C5orf22: variants seen among roughly 807,000 people sequenced by gnomAD.
C5orf22 encodes the protein chromosome 5 open reading frame 22.
C5orf22 carries 36 observed loss-of-function variants against 48.7 expected under a neutral mutation model. That is an observed-to-expected ratio of 0.74 (90% CI 0.57 to 0.98). The LOEUF (loss-of-function observed/expected upper bound fraction) is 0.98, where lower values mean the gene tolerates loss of function less well. C5orf22 is among the 50% of genes least tolerant of loss of function. The pLI is 0.00. For missense variants in C5orf22, 486 were observed against 521.9 expected, an observed-to-expected ratio of 0.93 and a Z score of 0.67; for synonymous variants, 141 against 180.8, an observed-to-expected ratio of 0.78 and a Z score of 1.76.
chr5:31,535,984 A>G (rs144328694), intron 3 of C5orf22, 91 bp downstream of exon 3: 5 of 1,285,478 alleles, frequency 3.9e-6, no homozygotes, highest in Non-Finnish European at 5.4e-6. Flanking sequence ...CTCTGCACAC[A>G]AATAGGGTCA....
At chr5:31,534,217 G>A in intron 1 of C5orf22, 55 bp from the exon 2 acceptor site, 1 of 1,439,484 alleles carries the variant, frequency 6.9e-7, no homozygotes, top group Non-Finnish European at 9.6e-7. Flanking sequence ...CTGCAGTTGA[G>A]TGTGTGCTCA....
At chr5:31,541,431 A>G in intron 6 of C5orf22, 29 bp downstream of exon 6, 1 of 1,608,490 alleles carries the variant, frequency 6.2e-7, no homozygotes, top group Non-Finnish European at 8.5e-7. Context: ...TTTTTCCCCC[A>G]ACTCTACTAA....
intron 3 of C5orf22, among the ~76,000 whole-genome samples, 195 bp downstream of exon 3, chr5:31,536,088 G>A (rs912747971): frequency 1.3e-5 from 2 of 152,172 alleles, no homozygotes; most frequent in Non-Finnish European, 2.9e-5. Context: ...ATATTTAGTT[G>A]CTGGTCAAAT....
At chr5:31,534,042 G>A (rs954918359) in intron 1 of C5orf22, among the ~76,000 whole-genome samples, 7 of 152,234 alleles carry the variant, frequency 4.6e-5, no homozygotes, top group African/African-American at 1.7e-4. Context: ...AGTTCAAGGG[G>A]GCAGCAGGAA....
chr5:31,540,240 A>G (rs973800778), intron 4 of C5orf22, among the ~76,000 whole-genome samples: 2 of 152,180 alleles, frequency 1.3e-5, no homozygotes, highest in Non-Finnish European at 2.9e-5. Flanking sequence ...ATATGCCACA[A>G]CATTGTGCTT....
At position 31,552,827 on chromosome 5, in the gene C5orf22, G is replaced by C; in HGVS notation, c.1254G>C (p.Lys418Asn). The change falls in exon 9 of 9, where the codon AAG (lysine) becomes AAC (asparagine). Residue 418 changes from lysine (K) to asparagine (N), a missense_variant. Physicochemically the swap from Lys to Asn is moderately conservative, Grantham distance 94 (BLOSUM62 0). This residue lies in a region of C5orf22 where 408 missense variants were observed against 444.0 expected (regional missense o/e 0.92). Coordinates refer to ENST00000325366, the MANE Select transcript of C5orf22 (RefSeq NM_018356.3). ...PSDQVDTIQE[K>N]VLNMLRALYG... ...ACCAAGTTGACACTATTCAAGAAAA[G>C]GTCCTCAATATGCTACGTGCCCTCT... 2 of 1,613,596 alleles carry C rather than the reference G, an allele frequency of 1.2e-6. No individual in the cohort carries two copies. The highest frequency in any genetic ancestry group is 1.7e-6 in the Non-Finnish European group (2 of 1,179,568).
chr5:31,537,477 T>A (rs1481844155), intron 3 of C5orf22, among the ~76,000 whole-genome samples: 1 of 152,206 alleles, frequency 6.6e-6, no homozygotes, highest in Non-Finnish European at 1.5e-5. Context: ...TTTTGGAAAA[T>A]AGCTTTTACA....
In C5orf22 at chr5:31,553,165, G is replaced by T. The variant is rs59748311; in HGVS notation, c.*263G>T. 45,594 of 261,574 alleles carry T rather than the reference G, an allele frequency of 0.17. 4,162 individuals are homozygous for T. The highest frequency in any genetic ancestry group is 0.22 in the Middle Eastern group (154 of 716). The allele number at this position is 261,574 out of a possible 1,614,324, so 16.2% of individuals were successfully genotyped here. A position where few individuals can be genotyped will look rare whatever the true frequency, so the allele number is the denominator to read the frequency against. On this transcript the variant is annotated 3_prime_UTR_variant, in exon 9 of 9. Transcript: ENST00000325366. ...TTTTTAGGGTTTTGTTTTTTTTTTT[G>T]TTTGTTTGTTTGTTTGTCTTCACTT...
intron 3 of C5orf22, 171 bp from the exon 4 acceptor site, chr5:31,538,089 C>T (rs1267071062): frequency 6.3e-5 from 37 of 586,808 alleles, no homozygotes; most frequent in Non-Finnish European, 9.4e-5. Flanking sequence ...GCTGTGTGTC[C>T]AGCTAAGAAT....
intron 6 of C5orf22, among the ~76,000 whole-genome samples, chr5:31,542,481 G>C (rs756512231): frequency 4.3e-5 from 4 of 92,526 alleles, no homozygotes; most frequent in Admixed American, 2.1e-4. Flanking sequence ...AAAAAAAAGC[G>C]AAAACTTAGC....
At chr5:31,550,985 C>T (rs1319167636) in intron 7 of C5orf22, among the ~76,000 whole-genome samples, 1 of 152,164 alleles carries the variant, frequency 6.6e-6, no homozygotes, top group Non-Finnish European at 1.5e-5. Context: ...CCCAGACAGG[C>T]ATATAGGCGA....
chr5:31,538,765 T>C, intron 4 of C5orf22, 76 bp downstream of exon 4: 1 of 1,055,822 alleles, frequency 9.5e-7, no homozygotes, highest in Non-Finnish European at 1.4e-6. Context: ...CAGCAAACTC[T>C]TTAAACAGCC....
At chr5:31,545,042 G>C (rs929661830) in intron 6 of C5orf22, among the ~76,000 whole-genome samples, 2 of 146,378 alleles carry the variant, frequency 1.4e-5, no homozygotes, top group African/African-American at 5.1e-5. Flanking sequence ...AAAACACTTA[G>C]TTTTCTTGCT....
At chr5:31,533,935 A>C (rs1395281991) in intron 1 of C5orf22, among the ~76,000 whole-genome samples, 2 of 152,106 alleles carry the variant, frequency 1.3e-5, no homozygotes, top group Non-Finnish European at 2.9e-5. Flanking sequence ...TTTGAGACCT[A>C]GGGTACCTTG....
At chr5:31,544,322 G>A (rs554880818) in intron 6 of C5orf22, among the ~76,000 whole-genome samples, 2 of 152,146 alleles carry the variant, frequency 1.3e-5, no homozygotes, top group Non-Finnish European at 2.9e-5. Context: ...GATGGCTCAC[G>A]CCTGTAATCC....
chr5:31,538,820 T>C (rs1742274049), intron 4 of C5orf22, 131 bp downstream of exon 4: 1 of 673,416 alleles, frequency 1.5e-6, no homozygotes, highest in East Asian at 2.7e-5. Flanking sequence ...TCTCTACTAA[T>C]ACCCTTTTCT....
At chr5:31,545,837 T>A (rs12656019) in intron 7 of C5orf22, 125 bp downstream of exon 7, 29,600 of 600,204 alleles carry the variant, frequency 0.049, 1,003 homozygotes, top group East Asian at 0.13. Flanking sequence ...GAAACAATTA[T>A]TAAGAAAAGA....
Position 31,552,792 on chromosome 5 carries a change from T to C in C5orf22, c.1219T>C (p.Cys407Arg). Residue 407 changes from cysteine (C) to arginine (R), a missense_variant, in exon 9 of 9, where the codon TGT becomes CGT. This residue lies in a region of C5orf22 where 408 missense variants were observed against 444.0 expected (regional missense o/e 0.92). Coordinates refer to ENST00000325366, the MANE Select transcript of C5orf22 (RefSeq NM_018356.3). The part of the protein sequence containing the change: ...TIARSSLDDY[C>R]PSDQVDTIQE... ...TTCTAGGTCAAGTCTGGATGATTAC[T>C]GTCCTTCTGACCAAGTTGACACTAT... The C allele has an allele frequency of 6.2e-7, 1 of 1,613,614 alleles. No individual in the cohort carries two copies. The highest frequency in any genetic ancestry group is 1.1e-5 in the South Asian group (1 of 91,056).
intron 3 of C5orf22, among the ~76,000 whole-genome samples, chr5:31,536,214 C>T (rs1742074567): frequency 6.6e-6 from 1 of 152,122 alleles, no homozygotes; most frequent in Non-Finnish European, 1.5e-5. Flanking sequence ...TTACTGTTTC[C>T]TGTCAGTATA....
Sources: gnomAD v4.1 joint callset for allele counts (sites outside exome capture counted in the v4.1 genomes callset) on GRCh38, gnomAD v4.1.1 for gene constraint, gnomAD v4.1.1 regional missense constraint, MANE v1.5 for transcripts, NCBI Gene and HGNC (gene_info 2026-07-23, HGNC 2026-07-21) for gene names.